Variants in TMEM186 observed in about 807,000 individuals in gnomAD.
TMEM186 encodes transmembrane protein 186, also known as chromosome 16 open reading frame 51.
Under a neutral mutation model 2.5 loss-of-function variants are expected in TMEM186, and 2 were observed. The observed-to-expected ratio is 0.79, with a 90% confidence interval of 0.32 to 2.50. The LOEUF (loss-of-function observed/expected upper bound fraction) is 2.50. Among genes scored for constraint, TMEM186 ranks in the 30% most tolerant of loss-of-function variants. The probability of loss-of-function intolerance (pLI) is 0.11; values close to 1 mark genes in which losing one functional copy is unlikely to be tolerated. For missense variants in TMEM186, 321 were observed against 276.5 expected (o/e 1.16, Z -1.14); for synonymous variants, 120 against 104.9 (o/e 1.14, Z -0.88).
At chr16:8,796,849 A>T (rs1163777078) in intron 1 of TMEM186, among the ~76,000 whole-genome samples, 3 of 152,236 alleles carry the variant, frequency 2.0e-5, no homozygotes, top group African/African-American at 7.2e-5. Flanking sequence ...AAGATCACAC[A>T]GTCAGTGAGT....
Position 8,797,601 on chromosome 16 carries a change from C to G in TMEM186, c.3+11G>C, listed in dbSNP as rs757792159. ...CATCACCCCCTCAAGGCTCGCCACC[C>G]GCCTCCTTACCATGGCCCCACCACC... is the stretch of plus-strand genomic sequence containing the variant. On this transcript the variant is annotated intron_variant, in intron 1 of 1. Coordinates refer to ENST00000333050, the MANE Select transcript of TMEM186 (RefSeq NM_015421.4). 16 of 1,604,220 alleles carry G rather than the reference C, an allele frequency of 1.0e-5. No homozygotes were observed. In the South Asian group the frequency reaches 1.6e-4, roughly 16 times the overall value.
Position 8,796,039 on chromosome 16 carries a change from C to CT in TMEM186, c.554dup (p.Thr186AspfsTer45). The CT allele has an allele frequency of 6.2e-7, 1 of 1,614,210 alleles. No homozygotes were observed. The highest frequency in any genetic ancestry group is 8.5e-7 in the Non-Finnish European group (1 of 1,180,026). On this transcript the variant is annotated frameshift_variant, in exon 2 of 2. Coordinates refer to ENST00000333050, the MANE Select transcript of TMEM186 (RefSeq NM_015421.4). LOFTEE classifies it low-confidence loss of function (END_TRUNC). ...CATAGCGCAGGGTGACGTAGAAGGT[C>CT]TGTTTCCCACTGTACCGCTGGATAC...
intron 1 of TMEM186, 47 bp downstream of exon 1, chr16:8,797,565 A>G: frequency 6.8e-7 from 1 of 1,461,230 alleles, no homozygotes; most frequent in Non-Finnish European, 9.4e-7. Context: ...CCTGACCCCG[A>G]CCCCAAAGAG....
chr16:8,795,977 A>T lies in TMEM186; in HGVS notation c.617T>A (p.Phe206Tyr). Reference protein sequence around the residue: ...ILDRERFTQVFGVHQMLK With the variant: ...ILDRERFTQVYGVHQMLK ...TCACTTGAGCATCTGATGTACCCCA[A>T]ACACCTGTGTGAAACGCTCTCTGTC... The change falls in exon 2 of 2, where the codon TTT becomes TAT. Residue 206 changes from phenylalanine to tyrosine, a missense_variant. By Grantham distance (22) the Phe-to-Tyr change is conservative. Transcript: ENST00000333050. 1 of 1,613,846 alleles carries T rather than the reference A, an allele frequency of 6.2e-7. No individual in the cohort carries two copies. The highest frequency in any genetic ancestry group is 8.5e-7 in the Non-Finnish European group (1 of 1,179,774).
chr16:8,796,938 A>C (rs533510730), intron 1 of TMEM186, among the ~76,000 whole-genome samples: 169 of 152,350 alleles, frequency 1.1e-3, no homozygotes, highest in African/African-American at 4.1e-3. Context: ...TTCAAAACAT[A>C]TCCAGGGAGG....
rs770879981 is a variant in TMEM186 at position 8,795,996 on chromosome 16, C to G, written c.598G>C (p.Glu200Gln). The G allele has an allele frequency of 5.6e-6, 9 of 1,614,176 alleles. No homozygotes were observed. Among genetic ancestry groups the G allele is most frequent in the South Asian group, 1.1e-5 (1 of 91,090 alleles). ...TLRYGRILDR[E>Q]RFTQVFGVHQ... Reference sequence around the variant, plus strand: ...ACCCCAAACACCTGTGTGAAACGCTCTCTGTCCAGGATGCGTCCATAGCGC... The same window carrying G: ...ACCCCAAACACCTGTGTGAAACGCTGTCTGTCCAGGATGCGTCCATAGCGC... The change falls in exon 2 of 2, where the codon GAG becomes CAG. Residue 200 changes from glutamate to glutamine, a missense_variant. Coordinates refer to ENST00000333050, the MANE Select transcript of TMEM186 (RefSeq NM_015421.4).
In TMEM186 at chr16:8,796,346, A is replaced by C. The variant is rs878916605; in HGVS notation, c.248T>G (p.Val83Gly). 6.4e-5 allele frequency: 104 copies of C among 1,614,142 alleles called. 2 individuals carry two copies. In the South Asian group the frequency reaches 1.0e-3, roughly 16 times the overall value. The change falls in exon 2 of 2, where the codon GTG becomes GGG. Residue 83 changes from valine to glycine, a missense_variant. Val to Gly is a moderately radical substitution (Grantham distance 109). Coordinates refer to ENST00000333050, the MANE Select transcript of TMEM186 (RefSeq NM_015421.4). ...RLKLAQTALT[V>G]VALPPGYYLY... ...GTAATAGCCTGGTGGCAAAGCTACC[A>C]CTGTCAGGGCAGTCTGTGCCAACTT...
chr16:8,796,232 C>A lies in TMEM186; in HGVS notation c.362G>T (p.Ser121Ile), dbSNP rs1212408771. 3 of 1,614,206 alleles carry A rather than the reference C, an allele frequency of 1.9e-6. No homozygotes were observed. The highest frequency in any genetic ancestry group is 2.2e-5 in the South Asian group (2 of 91,084). ...ACCAACCAGTCTCCGTAAGAAATAGCTCATCCAGCACAGCATGGTCAGGGC... is the reference window on the plus strand; with the variant it reads ...ACCAACCAGTCTCCGTAAGAAATAGATCATCCAGCACAGCATGGTCAGGGC... ...GFALTMLCWM[S>I]YFLRRLVGIL... Residue 121 changes from serine to isoleucine, a missense_variant, in exon 2 of 2, where the codon AGC becomes ATC. Coordinates refer to ENST00000333050, the MANE Select transcript of TMEM186 (RefSeq NM_015421.4).
rs148298211 is a variant in TMEM186, at chr16:8,796,479, T to C, written c.115A>G (p.Ser39Gly). The C allele has an allele frequency of 1.2e-5, 19 of 1,614,228 alleles. No individual in the cohort carries two copies. The African/African-American group carries it at 2.1e-4, about 18-fold the overall frequency. Reference sequence around the variant, plus strand: ...TTCTCCTTCGAGATGGGTGAACTGCTGCCCACCCACCTCTTAGGATCCTCC... The same window carrying C: ...TTCTCCTTCGAGATGGGTGAACTGCCGCCCACCCACCTCTTAGGATCCTCC... ...GQEDPKRWVGSSSPISKEKLP... is the reference protein window; with the variant it reads ...GQEDPKRWVGGSSPISKEKLP... Residue 39 changes from serine to glycine, a missense_variant, in exon 2 of 2, where the codon AGC becomes GGC. Coordinates refer to ENST00000333050, the MANE Select transcript of TMEM186 (RefSeq NM_015421.4).
Position 8,795,903 on chromosome 16 carries a change from T to C in TMEM186, c.*49A>G. ...GCCTTGCCCACACCCTCAGCCTTCC[T>C]GTTAATCCAGGCGACCCAGGGTTAC... On this transcript the variant is annotated 3_prime_UTR_variant, in exon 2 of 2. Coordinates refer to ENST00000333050, the MANE Select transcript of TMEM186 (RefSeq NM_015421.4). 6.4e-7 allele frequency: 1 copy of C among 1,569,072 alleles called. No homozygotes were observed. The highest frequency in any genetic ancestry group is 8.7e-7 in the Non-Finnish European group (1 of 1,155,404).
Position 8,795,988 on chromosome 16 carries a change from G to A in TMEM186, c.606C>T (p.Phe202=). 6.2e-7 allele frequency: 1 copy of A among 1,614,166 alleles called. No individual in the cohort carries two copies. Among genetic ancestry groups the A allele is most frequent in the East Asian group, 2.2e-5 (1 of 44,888 alleles). Residue 202 remains phenylalanine, a synonymous_variant, in exon 2 of 2, where the codon TTC becomes TTT. Coordinates refer to ENST00000333050, the MANE Select transcript of TMEM186 (RefSeq NM_015421.4). ...TCTGATGTACCCCAAACACCTGTGT[G>A]AAACGCTCTCTGTCCAGGATGCGTC... ...RYGRILDRER[F]TQVFGVHQML... is the part of the protein sequence containing the mutation.
chr16:8,797,515 C>T (rs2060584374), intron 1 of TMEM186, 97 bp downstream of exon 1: 8 of 1,452,588 alleles, frequency 5.5e-6, no homozygotes, highest in Non-Finnish European at 7.5e-6. Flanking sequence ...CACGGATCCT[C>T]GGAGTCCGAA....
intron 1 of TMEM186, 75 bp downstream of exon 1, chr16:8,797,537 G>C: frequency 2.0e-6 from 3 of 1,531,378 alleles, no homozygotes; most frequent in Non-Finnish European, 2.7e-6. Context: ...CCCGAGCGTC[G>C]GGCCTGCCCG....
In TMEM186 at chr16:8,795,922, G is replaced by A. The variant is rs368404500; in HGVS notation, c.*30C>T. ...CCTTCCTGTTAATCCAGGCGACCCA[G>A]GGTTACCCAGAGGTCCAGGTCCCAG... On this transcript the variant is annotated 3_prime_UTR_variant, in exon 2 of 2. Coordinates refer to ENST00000333050, the MANE Select transcript of TMEM186 (RefSeq NM_015421.4). 5 of 1,590,412 alleles carry A rather than the reference G, an allele frequency of 3.1e-6. No individual in the cohort carries two copies. The African/African-American group carries it at 5.4e-5, about 17-fold the overall frequency.
In TMEM186 at chr16:8,796,031, TAGA is replaced by T. The variant is rs771927326; in HGVS notation, c.560_562del (p.Phe187del). 3 of 1,614,186 alleles carry T rather than the reference TAGA, an allele frequency of 1.9e-6. No individual in the cohort carries two copies. The highest frequency in any genetic ancestry group is 1.7e-5 in the Admixed American group (1 of 60,020). ...GATGCGTCCATAGCGCAGGGTGACGTAGAAGGTCTGTTTCCCACTGTACCGCTG... is the reference window on the plus strand; with the variant it reads ...GATGCGTCCATAGCGCAGGGTGACGTAGGTCTGTTTCCCACTGTACCGCTG... On this transcript the variant is annotated inframe_deletion, in exon 2 of 2. Transcript: ENST00000333050.
In TMEM186 at chr16:8,795,724, T is replaced by C. The variant is rs559665251; in HGVS notation, c.*228A>G. On this transcript the variant is annotated 3_prime_UTR_variant, in exon 2 of 2. Transcript: ENST00000333050. Reference sequence around the variant, plus strand: ...TTAACAAAAACTTCTGGCCATTATCTGACTGAATGTCACAAACAAGTGCTG... The same window carrying C: ...TTAACAAAAACTTCTGGCCATTATCCGACTGAATGTCACAAACAAGTGCTG... The C allele has an allele frequency of 3.4e-5, 18 of 528,520 alleles. No individual in the cohort carries two copies. Among genetic ancestry groups the C allele is most frequent in the Non-Finnish European group, 5.3e-5 (16 of 300,962 alleles). The allele number at this position is 528,520 out of a possible 1,614,324, so 32.7% of individuals were successfully genotyped here.
chr16:8,796,118 G>A lies in TMEM186; in HGVS notation c.476C>T (p.Ala159Val), dbSNP rs149371669. 1,473 of 1,614,226 alleles carry A rather than the reference G, an allele frequency of 9.1e-4. 8 individuals carry two copies. The highest frequency in any genetic ancestry group is 8.0e-4 in the Admixed American group (48 of 60,026). Residue 159 changes from alanine to valine, a missense_variant, in exon 2 of 2, where the codon GCA (alanine) becomes GTA (valine). Ala to Val is a moderately conservative substitution (Grantham distance 64, BLOSUM62 0). Coordinates refer to ENST00000333050, the MANE Select transcript of TMEM186 (RefSeq NM_015421.4). ...GGTTTCTGTCAGGGGAATCACATCT[G>A]CCATGGGACAGTATGTGTCCTGCCG... ...GWRQDTYCPM[A>V]DVIPLTETKD...
rs992663342 is a variant in TMEM186, at chr16:8,796,130, T to A, written c.464A>T (p.Tyr155Phe). 3 of 1,614,078 alleles carry A rather than the reference T, an allele frequency of 1.9e-6. No individual in the cohort carries two copies. The highest frequency in any genetic ancestry group is 2.7e-5 in the African/African-American group (2 of 74,938). The change falls in exon 2 of 2, where the codon TAC (tyrosine) becomes TTC (phenylalanine). Residue 155 changes from tyrosine to phenylalanine, a missense_variant. By Grantham distance (22) the Tyr-to-Phe change is conservative (BLOSUM62 3). Coordinates refer to ENST00000333050, the MANE Select transcript of TMEM186 (RefSeq NM_015421.4). The part of the protein sequence containing the change: ...LNFWGWRQDT[Y>F]CPMADVIPLT... The stretch of plus-strand genomic sequence containing the variant: ...GGGAATCACATCTGCCATGGGACAG[T>A]ATGTGTCCTGCCGCCAGCCCCAGAA...
chr16:8,796,426 G>A lies in TMEM186; in HGVS notation c.168C>T (p.Phe56=), dbSNP rs2060576608. ...EKLPNAETEK[F]WMFYRFDAIR... ...TGGCATCAAAACGGTAAAACATCCA[G>A]AATTTCTCAGTCTCTGCGTTTGGTA... Residue 56 remains phenylalanine, a synonymous_variant, in exon 2 of 2, where the codon TTC becomes TTT. Transcript: ENST00000333050. 6.2e-7 allele frequency: 1 copy of A among 1,614,092 alleles called. No homozygotes were observed. The highest frequency in any genetic ancestry group is 1.7e-5 in the Admixed American group (1 of 60,008).
Sources: allele counts gnomAD v4.1 joint callset (sites outside exome capture counted in the v4.1 genomes callset), GRCh38; gene constraint gnomAD v4.1.1; transcripts MANE v1.5; gene names NCBI Gene and HGNC (gene_info 2026-07-23, HGNC 2026-07-21).